PELI2: variants seen among roughly 807,000 people sequenced by gnomAD.
PELI2 encodes the protein pellino E3 ubiquitin protein ligase family member 2.
In PELI2, 23 loss-of-function variants were observed where a neutral mutation model predicts 42.3. The observed-to-expected ratio is 0.54, with a 90% CI of 0.39 to 0.77. The LOEUF is 0.77. PELI2 is among the 30% of genes least tolerant of loss of function. The pLI is 0.00. For synonymous variants in PELI2, 245 were observed against 212.2 expected (o/e 1.15, Z -1.34); for missense variants, 463 against 553.2 (o/e 0.84, Z 1.64).
In PELI2 at chr14:56,219,553, C is replaced by T. The variant is rs1279007478; in HGVS notation, c.207+41089C>T. 6.6e-6 allele frequency among the ~76,000 whole-genome samples: 1 copy of T among 152,160 alleles called. No homozygotes were observed. Among genetic ancestry groups the T allele is most frequent in the Non-Finnish European group, 1.5e-5 (1 of 68,032 alleles). ...CCTCAATCTTACAAACAGTAGGCAT[C>T]CACAAGGAAGTCAAAGAAAGGGTCT... On this transcript the variant is annotated intron_variant, in intron 2 of 5. Transcript: ENST00000267460. This position sits in a 1 kb window ranked among gnomAD's most constrained non-coding sequence, Gnocchi z 4.1.
intron 2 of PELI2, among the ~76,000 whole-genome samples, chr14:56,274,352 A>G (rs1047589919): frequency 6.6e-6 from 1 of 152,228 alleles, no homozygotes; most frequent in Non-Finnish European, 1.5e-5. Flanking sequence ...TTTTCTGGAT[A>G]TGTGTTAGTT....
At chr14:56,214,488 C>G (rs765947192) in intron 2 of PELI2, among the ~76,000 whole-genome samples, 9 of 152,188 alleles carry the variant, frequency 5.9e-5, no homozygotes, top group Non-Finnish European at 8.8e-5. Context: ...ATTTTAATCT[C>G]TCTTCCTCTC....
intron 2 of PELI2, among the ~76,000 whole-genome samples, chr14:56,257,172 A>G (rs1392538571): frequency 6.6e-6 from 1 of 152,184 alleles, no homozygotes. Flanking sequence ...GCCAGATCAG[A>G]GAAGAGTTAA....
At chr14:56,169,418 C>T (rs1188979930) in intron 1 of PELI2, among the ~76,000 whole-genome samples, 2 of 152,184 alleles carry the variant, frequency 1.3e-5, no homozygotes, top group Non-Finnish European at 2.9e-5. Context: ...ATGCTCCCTC[C>T]GTGGTTGGGC....
intron 2 of PELI2, among the ~76,000 whole-genome samples, chr14:56,217,496 G>T (rs1263366459): frequency 1.3e-5 from 2 of 152,168 alleles, no homozygotes; most frequent in Non-Finnish European, 2.9e-5. Flanking sequence ...CTTGGCCAGG[G>T]GTCCACCAGA....
At chr14:56,278,276 A>T (rs1409069846) in intron 2 of PELI2, among the ~76,000 whole-genome samples, 1 of 152,206 alleles carries the variant, frequency 6.6e-6, no homozygotes, top group African/African-American at 2.4e-5. Flanking sequence ...TAATTAACAA[A>T]TAAAAATTGT....
At chr14:56,220,734 A>T (rs922069592) in intron 2 of PELI2, among the ~76,000 whole-genome samples, 1 of 152,170 alleles carries the variant, frequency 6.6e-6, no homozygotes, top group African/African-American at 2.4e-5. Context: ...TGCATAACCA[A>T]TGGTTAGAGA....
In PELI2 at chr14:56,198,289, A is replaced by G. The variant is rs537400159; in HGVS notation, c.207+19825A>G. 3.3e-5 allele frequency among the ~76,000 whole-genome samples: 5 copies of G among 152,284 alleles called. No individual in the cohort carries two copies. In the East Asian group the frequency reaches 9.6e-4, roughly 29 times the overall value. On this transcript the variant is annotated intron_variant, in intron 2 of 5. Transcript: ENST00000267460. ...AGAGTTGAGGGCACAAATTGGATAC[A>G]TGAATCTGGAATTCAACCATGTAGA... is the stretch of plus-strand genomic sequence containing the variant.
chr14:56,254,985 A>G (rs1431183464), intron 2 of PELI2, among the ~76,000 whole-genome samples: 1 of 152,206 alleles, frequency 6.6e-6, no homozygotes, highest in Non-Finnish European at 1.5e-5. Flanking sequence ...GTCAAGAAAC[A>G]ACAGATGCTG....
At chr14:56,168,685 G>A (rs1291891832) in intron 1 of PELI2, among the ~76,000 whole-genome samples, 1 of 152,010 alleles carries the variant, frequency 6.6e-6, no homozygotes, top group Admixed American at 6.5e-5. Flanking sequence ...GTGCTGGTAC[G>A]TAAGGTGCAA....
At chr14:56,270,774 A>G (rs1262247755) in intron 2 of PELI2, among the ~76,000 whole-genome samples, 1 of 152,216 alleles carries the variant, frequency 6.6e-6, no homozygotes, top group Non-Finnish European at 1.5e-5. Flanking sequence ...ATGAATTATA[A>G]AGGTAGTAGT....
Position 56,296,896 on chromosome 14 carries a change from C to T in PELI2, c.993C>T (p.Asn331=), listed in dbSNP as rs765835628. 6.2e-6 allele frequency: 10 copies of T among 1,614,146 alleles called. No individual in the cohort carries two copies. In the South Asian group the frequency reaches 6.6e-5, roughly 11 times the overall value. ...NWGHRSDTEA[N]ERECPMCRTV... ...GCCATCGGAGTGACACGGAGGCCAACGAGAGGGAGTGTCCCATGTGCAGGA... is the reference window on the plus strand; with the variant it reads ...GCCATCGGAGTGACACGGAGGCCAATGAGAGGGAGTGTCCCATGTGCAGGA... Residue 331 remains asparagine (N), a synonymous_variant, in exon 6 of 6, where the codon AAC becomes AAT. Coordinates refer to ENST00000267460, the MANE Select transcript of PELI2 (RefSeq NM_021255.3).
intron 2 of PELI2, among the ~76,000 whole-genome samples, chr14:56,230,604 T>A (rs540531054): frequency 3.1e-4 from 47 of 152,264 alleles, no homozygotes; most frequent in African/African-American, 1.1e-3. Flanking sequence ...AAGGAAGCAC[T>A]AAACATGGAA....
intron 2 of PELI2, among the ~76,000 whole-genome samples, chr14:56,210,209 GA>G (rs912076915): frequency 6.6e-6 from 1 of 152,096 alleles, no homozygotes. Flanking sequence ...ATGTTGATGA[GA>G]GGGGTGCGGA....
chr14:56,123,828 C>T (rs1242632306), intron 1 of PELI2, among the ~76,000 whole-genome samples: 1 of 152,162 alleles, frequency 6.6e-6, no homozygotes, highest in African/African-American at 2.4e-5. Context: ...ATAGCCGTTG[C>T]TATATTTGAG....
At chr14:56,159,100 A>G (rs187485967) in intron 1 of PELI2, among the ~76,000 whole-genome samples, 2 of 152,346 alleles carry the variant, frequency 1.3e-5, no homozygotes, top group East Asian at 1.9e-4. Flanking sequence ...AAGCTGCTTA[A>G]GTTAATTTGC....
chr14:56,213,139 G>C (rs1886769544), intron 2 of PELI2, among the ~76,000 whole-genome samples: 1 of 152,196 alleles, frequency 6.6e-6, no homozygotes, highest in South Asian at 2.1e-4. Flanking sequence ...CAGGTAAACT[G>C]TCTGGAGTAT....
At chr14:56,122,557 C>A (rs576073087) in intron 1 of PELI2, among the ~76,000 whole-genome samples, 2 of 152,166 alleles carry the variant, frequency 1.3e-5, no homozygotes, top group Admixed American at 1.3e-4. Flanking sequence ...TCTCTTAGTT[C>A]CTCTCACCTC....
chr14:56,173,042 C>T lies in PELI2; in HGVS notation c.78-5293C>T, dbSNP rs964789512. On this transcript the variant is annotated intron_variant, in intron 1 of 5. Transcript: ENST00000267460. Reference sequence around the variant, plus strand: ...TTTTTCTTGAGTAGCCTATATTATTCTCATGACTTTAACTGCCCCTGCATG... The same window carrying T: ...TTTTTCTTGAGTAGCCTATATTATTTTCATGACTTTAACTGCCCCTGCATG... Among the ~76,000 whole-genome samples the T allele has an allele frequency of 3.3e-5, 5 of 152,250 alleles. No individual in the cohort carries two copies. In the South Asian group the frequency reaches 6.2e-4, roughly 19 times the overall value.
Sources: allele counts gnomAD v4.1 joint callset (sites outside exome capture counted in the v4.1 genomes callset), GRCh38; gene constraint gnomAD v4.1.1; non-coding constraint Gnocchi (gnomAD v3.1); transcripts MANE v1.5; gene names NCBI Gene and HGNC (gene_info 2026-07-23, HGNC 2026-07-21).